FAF1: variants seen among roughly 807,000 people sequenced by gnomAD.
FAF1 encodes Fas associated factor 1, also known as FAS-associated factor 1.
Under a neutral mutation model 92.5 loss-of-function variants are expected in FAF1, and 25 were observed. The ratio of observed to expected loss-of-function variants is 0.27; its 90% CI spans 0.20 to 0.38. The LOEUF is 0.38. Among genes scored for constraint, FAF1 ranks in the 10% least tolerant of loss-of-function variants. FAF1 has a pLI of 1.00. For synonymous variants in FAF1, 234 were observed against 273.2 expected, an observed-to-expected ratio of 0.86 and a Z score of 1.42; for missense variants, 636 against 793.3, an observed-to-expected ratio of 0.80 and a Z score of 2.38.
At chr1:50,684,927 C>T (rs115307849) in intron 7 of FAF1, among the ~76,000 whole-genome samples, 465 of 152,232 alleles carry the variant, frequency 3.1e-3, no homozygotes, top group Middle Eastern at 6.8e-3. Context: ...ATAAGATGGC[C>T]TAAACCAATT....
intron 13 of FAF1, among the ~76,000 whole-genome samples, chr1:50,564,848 AAT>A (rs893489864): frequency 6.6e-6 from 1 of 152,090 alleles, no homozygotes; most frequent in African/African-American, 2.4e-5. Flanking sequence ...CCTTTTTGGG[AAT>A]ATGTCATTCT....
intron 4 of FAF1, among the ~76,000 whole-genome samples, chr1:50,746,997 G>A (rs1005791418): frequency 6.6e-6 from 1 of 152,220 alleles, no homozygotes; most frequent in Non-Finnish European, 1.5e-5. Flanking sequence ...GAATGCAAGA[G>A]TTGAGGCATG....
chr1:50,655,898 A>T (rs567039309), intron 7 of FAF1, among the ~76,000 whole-genome samples: 38 of 152,198 alleles, frequency 2.5e-4, no homozygotes, highest in Admixed American at 6.5e-4. Flanking sequence ...TCAAAACCAA[A>T]AACATATATT....
At position 50,724,296 on chromosome 1, in the gene FAF1, T is replaced by C. The variant is rs11584601; in HGVS notation, c.551+14567A>G. Among the ~76,000 whole-genome samples the C allele has an allele frequency of 8.7e-3, 1,016 of 117,096 alleles. 8 individuals carry two copies. Among genetic ancestry groups the C allele is most frequent in the African/African-American group, 0.023 (732 of 31,892 alleles). 76.8% of individuals were successfully genotyped at this position (117,096 alleles called of 152,430 possible). On this transcript the variant is annotated intron_variant, in intron 6 of 18. Coordinates refer to ENST00000396153, the MANE Select transcript of FAF1 (RefSeq NM_007051.3). ...ACATATACACACACACACACACACA[T>C]ACACACACACACACACACACACACA...
chr1:50,589,889 C>A (rs948727361), intron 9 of FAF1, among the ~76,000 whole-genome samples: 1 of 152,136 alleles, frequency 6.6e-6, no homozygotes, highest in Admixed American at 6.5e-5. Flanking sequence ...TTCATTCTTT[C>A]GCATGTGGAT....
intron 1 of FAF1, among the ~76,000 whole-genome samples, chr1:50,930,384 T>C (rs1645038568): frequency 6.6e-6 from 1 of 152,084 alleles, no homozygotes; most frequent in African/African-American, 2.4e-5. Flanking sequence ...CAATGTGTAG[T>C]GGAAAAAAAG....
intron 7 of FAF1, among the ~76,000 whole-genome samples, chr1:50,659,591 T>C (rs1448783967): frequency 6.7e-6 from 1 of 149,836 alleles, no homozygotes; most frequent in Non-Finnish European, 1.5e-5. Context: ...GTCTTACACA[T>C]TTTTTTTTTG....
At chr1:50,646,869 A>G (rs766274899) in intron 8 of FAF1, among the ~76,000 whole-genome samples, 1 of 152,182 alleles carries the variant, frequency 6.6e-6, no homozygotes, top group Non-Finnish European at 1.5e-5. Context: ...CTTTTGAGAC[A>G]TAGTCTCGCT....
At chr1:50,755,195 A>G (rs1317322483) in intron 4 of FAF1, among the ~76,000 whole-genome samples, 1 of 152,222 alleles carries the variant, frequency 6.6e-6, no homozygotes, top group East Asian at 1.9e-4. Flanking sequence ...CGAGCCTGTA[A>G]AATCAAAAGC....
intron 2 of FAF1, among the ~76,000 whole-genome samples, chr1:50,855,097 A>T (rs1370611830): frequency 6.6e-6 from 1 of 151,884 alleles, no homozygotes; most frequent in African/African-American, 2.4e-5. Flanking sequence ...AAATATACCA[A>T]AATCTGAAAA....
At chr1:50,732,212 C>A (rs2124475222) in intron 6 of FAF1, among the ~76,000 whole-genome samples, 1 of 152,092 alleles carries the variant, frequency 6.6e-6, no homozygotes, top group South Asian at 2.1e-4. Flanking sequence ...GTAGCTGGGA[C>A]TACAGGCGCC....
intron 6 of FAF1, among the ~76,000 whole-genome samples, chr1:50,730,048 T>C (rs1267243225): frequency 2.0e-5 from 3 of 151,962 alleles, no homozygotes; most frequent in Non-Finnish European, 4.4e-5. Context: ...TTGTGATAAT[T>C]TGTTCCATGA....
At chr1:50,460,833 T>C (rs1279398400) in intron 18 of FAF1, among the ~76,000 whole-genome samples, 7 of 150,620 alleles carry the variant, frequency 4.6e-5, no homozygotes, top group Admixed American at 2.0e-4. Flanking sequence ...TGTGTGTGTG[T>C]GCAGAGAAAG....
At chr1:50,950,506 T>C (rs978655473) in intron 1 of FAF1, among the ~76,000 whole-genome samples, 3 of 152,160 alleles carry the variant, frequency 2.0e-5, no homozygotes, top group South Asian at 2.1e-4. Flanking sequence ...CCACCACAGA[T>C]AAAGGTAAAT....
In FAF1 at chr1:50,664,224, T is replaced by C. The variant is rs554239635; in HGVS notation, c.658-8696A>G. Among the ~76,000 whole-genome samples, 186 of 150,142 alleles carry C rather than the reference T, an allele frequency of 1.2e-3. 2 individuals are homozygous for C. The highest frequency in any genetic ancestry group is 2.2e-3 in the Non-Finnish European group (147 of 67,630). On this transcript the variant is annotated intron_variant, in intron 7 of 18. Coordinates refer to ENST00000396153, the MANE Select transcript of FAF1 (RefSeq NM_007051.3). ...TGTTGGCCAGGATGGTCTCGATCTC[T>C]TGACCTCGTGATCCGCCCACCTCAG...
At chr1:50,721,917 C>T (rs1284021156) in intron 6 of FAF1, among the ~76,000 whole-genome samples, 1 of 152,122 alleles carries the variant, frequency 6.6e-6, no homozygotes, top group African/African-American at 2.4e-5. Context: ...AGCCACTGTG[C>T]CTGGCCAGGT....
At chr1:50,735,189 GTAA>G (rs1184789689) in intron 6 of FAF1, among the ~76,000 whole-genome samples, 2 of 152,164 alleles carry the variant, frequency 1.3e-5, no homozygotes, top group Non-Finnish European at 2.9e-5. Flanking sequence ...AATCTTTCCT[GTAA>G]TAATATGAAA....
chr1:50,918,260 T>C (rs1179847684), intron 1 of FAF1, among the ~76,000 whole-genome samples: 2 of 137,262 alleles, frequency 1.5e-5, no homozygotes, highest in Non-Finnish European at 3.1e-5. Context: ...GTTACATATG[T>C]ATACATGTGC....
chr1:50,904,829 T>A (rs1342423946), intron 1 of FAF1, among the ~76,000 whole-genome samples: 1 of 152,178 alleles, frequency 6.6e-6, no homozygotes, highest in Non-Finnish European at 1.5e-5. Context: ...ACTAAAAAAA[T>A]ACATTATCAA....
Sources: gnomAD v4.1 joint callset for allele counts (sites outside exome capture counted in the v4.1 genomes callset) on GRCh38, gnomAD v4.1.1 for gene constraint, MANE v1.5 for transcripts, NCBI Gene and HGNC (gene_info 2026-07-23, HGNC 2026-07-21) for gene names.